The following QSOX1 variants were observed in gnomAD, a reference collection of about 807,000 sequenced individuals.
The protein encoded by QSOX1 is quiescin sulfhydryl oxidase 1.
A neutral mutation model predicts 76.1 loss-of-function variants in QSOX1; 40 were observed. That is an observed-to-expected ratio of 0.53 (90% CI 0.41 to 0.68). The LOEUF is 0.68. Among genes scored for constraint, QSOX1 ranks in the 30% least tolerant of loss-of-function variants. The probability of loss-of-function intolerance (pLI) is 0.00; values close to 1 mark genes in which losing one functional copy is unlikely to be tolerated. For missense variants in QSOX1, 931 were observed against 974.3 expected (o/e 0.96, Z 0.59); for synonymous variants, 392 against 413.1 (o/e 0.95, Z 0.62).
At chr1:180,189,738 A>G in intron 9 of QSOX1, 64 bp downstream of exon 9, 2 of 1,538,354 alleles carry the variant, frequency 1.3e-6, no homozygotes, top group South Asian at 2.4e-5. Flanking sequence ...CAAGGGGTTA[A>G]CCCTGTCATT....
intron 8 of QSOX1, among the ~76,000 whole-genome samples, chr1:180,188,677 G>C (rs1490298826): frequency 6.6e-6 from 1 of 152,228 alleles, no homozygotes; most frequent in African/African-American, 2.4e-5. Flanking sequence ...TCTGTTAGCA[G>C]GTTTTCCTGT....
rs903903718 is a variant in QSOX1 at position 180,165,936 on chromosome 1, G to T, written c.266-555G>T. On this transcript the variant is annotated intron_variant, in intron 1 of 11. Coordinates refer to ENST00000367602, the MANE Select transcript of QSOX1 (RefSeq NM_002826.5). ...CTTTCCCCGCAGTTCCTGGATTCCA[G>T]ATGCTCCTGTTTCTGTCTGGGGACC... 9.8e-5 allele frequency among the ~76,000 whole-genome samples: 15 copies of T among 152,338 alleles called. 1 individual carries two copies. Among genetic ancestry groups the T allele is most frequent in the African/African-American group, 3.6e-4 (15 of 41,572 alleles).
At chr1:180,176,241 G>C in intron 4 of QSOX1, among the ~76,000 whole-genome samples, 1 of 152,256 alleles carries the variant, frequency 6.6e-6, no homozygotes, top group East Asian at 1.9e-4. Context: ...CACAGGTCCT[G>C]CTGAAGAGCC....
intron 1 of QSOX1, among the ~76,000 whole-genome samples, chr1:180,157,159 G>C (rs1662393279): frequency 6.6e-6 from 1 of 152,226 alleles, no homozygotes; most frequent in Non-Finnish European, 1.5e-5. Context: ...AAAGGAAATG[G>C]AAGGATCAAA....
intron 2 of QSOX1, among the ~76,000 whole-genome samples, chr1:180,171,194 G>C (rs1346519477): frequency 6.6e-6 from 1 of 152,188 alleles, no homozygotes; most frequent in Non-Finnish European, 1.5e-5. Context: ...TGAAAGGTGG[G>C]GACTGATGCA....
intron 1 of QSOX1, among the ~76,000 whole-genome samples, chr1:180,159,887 T>TGAGAA (rs1164715202): frequency 6.6e-6 from 1 of 152,212 alleles, no homozygotes. Flanking sequence ...GGTCAGGTTC[T>TGAGAA]CACCTAGGTG....
At chr1:180,169,722 T>C (rs1378883002) in intron 2 of QSOX1, among the ~76,000 whole-genome samples, 2 of 152,230 alleles carry the variant, frequency 1.3e-5, no homozygotes, top group Non-Finnish European at 2.9e-5. Context: ...AGTCCATCCA[T>C]CTGTCAGCAG....
rs371700570 is a variant in QSOX1 at position 180,190,595 on chromosome 1, C to T, written c.1288+15C>T. 4.4e-5 allele frequency: 70 copies of T among 1,606,198 alleles called. 1 individual carries two copies. The highest frequency in any genetic ancestry group is 5.4e-5 in the Non-Finnish European group (63 of 1,174,406). ...ACAGGAAGCAGGTACGTCCAGGACC[C>T]GTTCACCCCACTGTGCCTCCAACCC... On this transcript the variant is annotated intron_variant, in intron 10 of 11. Coordinates refer to ENST00000367602, the MANE Select transcript of QSOX1 (RefSeq NM_002826.5).
intron 2 of QSOX1, among the ~76,000 whole-genome samples, chr1:180,167,006 C>T (rs1292229501): frequency 6.6e-6 from 1 of 152,232 alleles, no homozygotes; most frequent in African/African-American, 2.4e-5. Context: ...GTCAGTGCCT[C>T]AGGCAGCAGG....
intron 11 of QSOX1, among the ~76,000 whole-genome samples, chr1:180,195,349 A>G (rs975184192): frequency 6.6e-6 from 1 of 152,112 alleles, no homozygotes; most frequent in Admixed American, 6.5e-5. Context: ...AGGCCTGATC[A>G]CTATGACTCA....
At position 180,198,256 on chromosome 1, in the gene QSOX1, C is replaced by G. The variant is rs1259230553; in HGVS notation, c.*1219C>G. 1.5e-5 allele frequency: 7 copies of G among 456,608 alleles called. No homozygotes were observed. The highest frequency in any genetic ancestry group is 3.1e-5 in the Non-Finnish European group (7 of 226,976). 28.3% of individuals were successfully genotyped at this position (456,608 alleles called of 1,614,324 possible). On this transcript the variant is annotated 3_prime_UTR_variant, in exon 12 of 12. Transcript: ENST00000367602. ...TGTGCAGCCTTGCCACCCCCTGCCC[C>G]AATCCTCCCTGAGAGCTCCTGCCTC...
rs1371207245 is a variant in QSOX1 at position 180,198,100 on chromosome 1, G to A, written c.*1063G>A. The stretch of plus-strand genomic sequence containing the variant: ...GTCCAGTCTGGACAGAATGCACAGA[G>A]ACCAGCCTCACCTGGAATGCAGCCA... On this transcript the variant is annotated 3_prime_UTR_variant, in exon 12 of 12. Coordinates refer to ENST00000367602, the MANE Select transcript of QSOX1 (RefSeq NM_002826.5). The A allele has an allele frequency of 1.8e-5, 8 of 446,676 alleles. No individual in the cohort carries two copies. The highest frequency in any genetic ancestry group is 3.6e-5 in the Non-Finnish European group (8 of 219,548). 27.7% of individuals were successfully genotyped at this position (446,676 alleles called of 1,614,324 possible).
rs114584753 is a variant in QSOX1 at position 180,188,952 on chromosome 1, A to T, written c.1018-600A>T. On this transcript the variant is annotated intron_variant, in intron 8 of 11. Coordinates refer to ENST00000367602, the MANE Select transcript of QSOX1 (RefSeq NM_002826.5). ...AAAGTGCTGATACTAATCGGATTTG[A>T]GTTGACTTATTGTCAGAGTAGCTTT... is the stretch of plus-strand genomic sequence containing the variant. Among the ~76,000 whole-genome samples, 881 of 152,326 alleles carry T rather than the reference A, an allele frequency of 5.8e-3. 6 individuals carry two copies. The highest frequency in any genetic ancestry group is 0.02 in the African/African-American group (851 of 41,572).
chr1:180,158,813 G>C (rs1302179623), intron 1 of QSOX1, among the ~76,000 whole-genome samples: 3 of 152,172 alleles, frequency 2.0e-5, no homozygotes, highest in Non-Finnish European at 4.4e-5. Context: ...ACACTCGGAG[G>C]CTGCATGTTT....
chr1:180,184,080 T>G, intron 7 of QSOX1, 30 bp downstream of exon 7: 2 of 1,611,286 alleles, frequency 1.2e-6, no homozygotes, highest in Non-Finnish European at 1.7e-6. Flanking sequence ...TCCTCACTTC[T>G]TCTCCTTCCT....
rs1421233131 is a variant in QSOX1, at chr1:180,196,522, A to G, written c.1729A>G (p.Thr577Ala). The G allele has an allele frequency of 1.4e-5, 23 of 1,613,924 alleles. No homozygotes were observed. The highest frequency in any genetic ancestry group is 1.7e-5 in the Non-Finnish European group (20 of 1,180,022). ...GALELESRNS[T>A]LDPGKPEMMK... is the part of the protein sequence containing the mutation. Reference sequence around the variant, plus strand: ...CCTGGAGCTGGAAAGCCGGAATTCAACTCTGGACCCTGGGAAGCCTGAGAT... The same window carrying G: ...CCTGGAGCTGGAAAGCCGGAATTCAGCTCTGGACCCTGGGAAGCCTGAGAT... The change falls in exon 12 of 12, where the codon ACT becomes GCT. Residue 577 changes from threonine (T) to alanine (A), a missense_variant. By Grantham distance (58) the Thr-to-Ala change is moderately conservative. Coordinates refer to ENST00000367602, the MANE Select transcript of QSOX1 (RefSeq NM_002826.5). This position sits in a 1 kb window ranked among gnomAD's most constrained non-coding sequence, Gnocchi z 4.1.
At chr1:180,183,244 G>A (rs1269594438) in intron 6 of QSOX1, among the ~76,000 whole-genome samples, 1 of 152,042 alleles carries the variant, frequency 6.6e-6, no homozygotes, top group Non-Finnish European at 1.5e-5. Flanking sequence ...CTCCCCCGGG[G>A]CAGCCCTCAC....
Position 180,175,720 on chromosome 1 carries a change from C to G in QSOX1, c.413-211C>G, listed in dbSNP as rs55753333. ...CCAGTTCTGAGGGATTCTTTCCTGT[C>G]TGAGGGATGGGTGTCCTTGCACTAC... On this transcript the variant is annotated intron_variant, in intron 3 of 11. Transcript: ENST00000367602. Among the ~76,000 whole-genome samples the G allele has an allele frequency of 4.3e-3, 648 of 152,268 alleles. 3 individuals are homozygous for G. Among genetic ancestry groups the G allele is most frequent in the African/African-American group, 0.014 (598 of 41,534 alleles).
In QSOX1 at chr1:180,196,498, C is replaced by T. The variant is rs1337277207; in HGVS notation, c.1705C>T (p.Leu569=). Residue 569 remains leucine (L), a synonymous_variant, in exon 12 of 12, where the codon CTG becomes TTG. Transcript: ENST00000367602. This position sits in a 1 kb window ranked among gnomAD's most constrained non-coding sequence, Gnocchi z 4.1. ...AAAPELAMGA[L]ELESRNSTLD... is the part of the protein sequence containing the mutation. ...CGCCCCAGAGCTGGCGATGGGAGCC[C>T]TGGAGCTGGAAAGCCGGAATTCAAC... The T allele has an allele frequency of 6.2e-7, 1 of 1,614,018 alleles. No individual in the cohort carries two copies. Among genetic ancestry groups the T allele is most frequent in the East Asian group, 2.2e-5 (1 of 44,870 alleles).
Sources: gnomAD v4.1 joint callset for allele counts (sites outside exome capture counted in the v4.1 genomes callset) on GRCh38, gnomAD v4.1.1 for gene constraint, Gnocchi (gnomAD v3.1) non-coding constraint, MANE v1.5 for transcripts, NCBI Gene and HGNC (gene_info 2026-07-23, HGNC 2026-07-21) for gene names.